The following ABCA5 variants were observed in gnomAD, a reference collection of about 807,000 sequenced individuals.
ABCA5 encodes ATP binding cassette subfamily A member 5, also known as cholesterol transporter ABCA5.
Under a neutral mutation model 206.0 loss-of-function variants are expected in ABCA5, and 163 were observed. That is an observed-to-expected ratio of 0.79 (90% CI 0.70 to 0.90). The LOEUF is 0.90. Among genes scored for constraint, ABCA5 ranks in the 40% least tolerant of loss-of-function variants. The probability of loss-of-function intolerance (pLI) is 0.00; values close to 1 mark genes in which losing one functional copy is unlikely to be tolerated. For missense variants in ABCA5, 1,859 were observed against 1,912.9 expected (o/e 0.97, Z 0.53); for synonymous variants, 609 against 613.8 (o/e 0.99, Z 0.11).
intron 20 of ABCA5, 77 bp from the exon 21 acceptor site, chr17:69,271,366 T>C (rs988737960): frequency 2.4e-5 from 33 of 1,397,690 alleles, no homozygotes; most frequent in Non-Finnish European, 3.0e-5. Flanking sequence ...GATAATTCTA[T>C]TTTTAGAGAA....
At chr17:69,247,687 A>G in intron 38 of ABCA5, 43 bp from the exon 39 acceptor site, 1 of 1,142,730 alleles carries the variant, frequency 8.8e-7, no homozygotes, top group Non-Finnish European at 1.3e-6. Context: ...CTGTATCTCA[A>G]GTACCTCAAA....
chr17:69,270,811 G>C, intron 21 of ABCA5, 61 bp from the exon 22 acceptor site: 2 of 1,397,072 alleles, frequency 1.4e-6, no homozygotes, highest in Non-Finnish European at 1.9e-6. Flanking sequence ...TTATTGATAT[G>C]TACCAAGCTT....
In ABCA5 at chr17:69,310,937, A is replaced by G. The variant is rs76087418; in HGVS notation, c.308-1514T>C. The stretch of plus-strand genomic sequence containing the variant: ...TGTGGTGCCTCACACCTATAATGCC[A>G]GCACTTTGGAAGGTGGAGGCAGGTA... On this transcript the variant is annotated intron_variant, in intron 3 of 38. Coordinates refer to ENST00000392676, the MANE Select transcript of ABCA5 (RefSeq NM_172232.4). Among the ~76,000 whole-genome samples the G allele has an allele frequency of 4.6e-3, 706 of 152,330 alleles. 5 individuals carry two copies. The highest frequency in any genetic ancestry group is 0.016 in the African/African-American group (678 of 41,572).
intron 7 of ABCA5, among the ~76,000 whole-genome samples, chr17:69,303,594 T>G (rs1443015109): frequency 6.9e-6 from 1 of 144,298 alleles, no homozygotes; most frequent in Non-Finnish European, 1.5e-5. Flanking sequence ...TAAACTTAAT[T>G]TATTCATAAG....
intron 24 of ABCA5, among the ~76,000 whole-genome samples, chr17:69,263,759 C>T (rs540231788): frequency 4.5e-5 from 6 of 133,298 alleles, no homozygotes; most frequent in Admixed American, 2.5e-4. Context: ...TGCAGTAGCA[C>T]GATCTTGGCT....
intron 1 of ABCA5, among the ~76,000 whole-genome samples, chr17:69,322,895 G>A (rs2075875733): frequency 6.6e-6 from 1 of 152,164 alleles, no homozygotes. Context: ...GAGTCATCCT[G>A]ATGTTTAGAG....
At chr17:69,270,459 C>G (rs2075259801) in intron 22 of ABCA5, among the ~76,000 whole-genome samples, 154 bp downstream of exon 22, 2 of 151,964 alleles carry the variant, frequency 1.3e-5, no homozygotes, top group Non-Finnish European at 2.9e-5. Flanking sequence ...GAATCCTAAA[C>G]CTTAATGTAA....
rs961330062 is a variant in ABCA5 at position 69,245,452 on chromosome 17, A to C, written c.*2085T>G. The C allele has an allele frequency of 6.6e-6, 1 of 152,004 alleles. No individual in the cohort carries two copies. Among genetic ancestry groups the C allele is most frequent in the African/African-American group, 2.4e-5 (1 of 41,440 alleles). The allele number at this position is 152,004 out of a possible 1,614,324, so 9.4% of individuals were successfully genotyped here. On this transcript the variant is annotated 3_prime_UTR_variant, in exon 39 of 39. Transcript: ENST00000392676. ...GTATGTTCATAAACATGAACTGTAC[A>C]CTGTAAATAAATATATTTCACTTTT...
chr17:69,280,791 A>C (rs1400407410), intron 18 of ABCA5, among the ~76,000 whole-genome samples: 1 of 151,948 alleles, frequency 6.6e-6, no homozygotes, highest in Non-Finnish European at 1.5e-5. Context: ...AGAACAAAAA[A>C]CCAAACACCG....
intron 18 of ABCA5, 111 bp from the exon 19 acceptor site, chr17:69,277,953 T>C (rs898043837): frequency 1.3e-6 from 1 of 748,882 alleles, no homozygotes; most frequent in South Asian, 2.3e-5. Flanking sequence ...GTGGAACAAA[T>C]GGAACTCTCT....
rs777527222 is a variant in ABCA5, at chr17:69,301,217, T to C, written c.1189A>G (p.Ile397Val). The change falls in exon 9 of 39, where the codon ATT (isoleucine) becomes GTT (valine). Residue 397 changes from isoleucine (I) to valine (V), a missense_variant. Transcript: ENST00000392676. ...SNLTAGPYPL[I>V]ITIIMLTLNS... ...AGTGTGAGCATGATAATTGTAATAATTAGAGGATATGGGCCTGCAGTCAAA... is the reference window on the plus strand; with the variant it reads ...AGTGTGAGCATGATAATTGTAATAACTAGAGGATATGGGCCTGCAGTCAAA... The C allele has an allele frequency of 5.6e-6, 9 of 1,604,724 alleles. No individual in the cohort carries two copies. In the East Asian group the frequency reaches 2.0e-4, roughly 36 times the overall value.
chr17:69,289,268 A>C lies in ABCA5; in HGVS notation c.1811T>G (p.Met604Arg), dbSNP rs201363682. Residue 604 changes from methionine (M) to arginine (R), a missense_variant, in exon 14 of 39, where the codon ATG becomes AGG. Met to Arg is a moderately conservative substitution (Grantham distance 91). Coordinates refer to ENST00000392676, the MANE Select transcript of ABCA5 (RefSeq NM_172232.4). The stretch of plus-strand genomic sequence containing the variant: ...AGCTTGGTTATCTTTGATAGTCTGC[A>C]TGTCTAAATCTAGTAAAACCTTCTG... Reference protein sequence around the residue: ...EVQKVLLDLDMQTIKDNQAKK... With the variant: ...EVQKVLLDLDRQTIKDNQAKK... 1.1e-5 allele frequency: 17 copies of C among 1,601,968 alleles called. No homozygotes were observed. Among genetic ancestry groups the C allele is most frequent in the Non-Finnish European group, 1.7e-6 (2 of 1,175,328 alleles).
chr17:69,310,824 G>A (rs1479414707), intron 3 of ABCA5, among the ~76,000 whole-genome samples: 1 of 152,186 alleles, frequency 6.6e-6, no homozygotes, highest in African/African-American at 2.4e-5. Flanking sequence ...AGACTTTAGT[G>A]TCCTCATCTA....
intron 1 of ABCA5, among the ~76,000 whole-genome samples, chr17:69,325,286 GT>G (rs2075890154): frequency 6.6e-6 from 1 of 150,962 alleles, no homozygotes; most frequent in South Asian, 2.1e-4. Context: ...TTCATCCTGG[GT>G]GACAGAATGA....
At position 69,304,698 on chromosome 17, in the gene ABCA5, G is replaced by A. The variant is rs775911299; in HGVS notation, c.901C>T (p.Leu301=). The change falls in exon 7 of 39, where the codon CTG becomes TTG. Residue 301 remains leucine (L), a synonymous_variant. Coordinates refer to ENST00000392676, the MANE Select transcript of ABCA5 (RefSeq NM_172232.4). ...GATAATCCATAAAGGAAAAAAAGCA[G>A]AAATATCACAATGCTGCTACTTTGA... ...FPQSSSIVIF[L]LFFLYGLSSV... 7 of 1,599,852 alleles carry A rather than the reference G, an allele frequency of 4.4e-6. No homozygotes were observed. In the Admixed American group the frequency reaches 1.0e-4, roughly 24 times the overall value.
chr17:69,299,054 C>T (rs982915070), intron 9 of ABCA5, among the ~76,000 whole-genome samples: 1 of 151,964 alleles, frequency 6.6e-6, no homozygotes, highest in African/African-American at 2.4e-5. Flanking sequence ...GGCCAAGAAA[C>T]ATGAAAAAAT....
At chr17:69,281,457 A>G (rs2075393075) in intron 18 of ABCA5, among the ~76,000 whole-genome samples, 2 of 152,188 alleles carry the variant, frequency 1.3e-5, no homozygotes, top group Admixed American at 1.3e-4. Flanking sequence ...TTCTTCCACA[A>G]TTTGTGAGGG....
At chr17:69,308,476 C>A (rs1400859574) in intron 4 of ABCA5, 108 bp from the exon 5 acceptor site, 9 of 614,932 alleles carry the variant, frequency 1.5e-5, no homozygotes, top group Non-Finnish European at 2.0e-5. Context: ...ATCAATCAAT[C>A]TTTACAGGAC....
In ABCA5 at chr17:69,301,286, C is replaced by G. The variant is rs766745022; in HGVS notation, c.1120G>C (p.Val374Leu). The G allele has an allele frequency of 3.8e-5, 61 of 1,586,290 alleles. No individual in the cohort carries two copies. The highest frequency in any genetic ancestry group is 4.9e-5 in the Non-Finnish European group (58 of 1,173,400). Residue 374 changes from valine (V) to leucine (L), a missense_variant and splice_region_variant, in exon 9 of 39, where the codon GTC becomes CTC. By Grantham distance (32) the Val-to-Leu change is conservative. Coordinates refer to ENST00000392676, the MANE Select transcript of ABCA5 (RefSeq NM_172232.4). The part of the protein sequence containing the change: ...HCTFVIGIAQ[V>L]MHLEDFNEGA... ...TCATTAAAATCTTCTAAATGCATGA[C>G]CTGAAAAATACAAACACTAACTTTA...
Sources: allele counts gnomAD v4.1 joint callset (sites outside exome capture counted in the v4.1 genomes callset), GRCh38; gene constraint gnomAD v4.1.1; transcripts MANE v1.5; gene names NCBI Gene and HGNC (gene_info 2026-07-23, HGNC 2026-07-21).